SLC9A7: variants seen among roughly 807,000 people sequenced by gnomAD.
SLC9A7 encodes the protein sodium/hydrogen exchanger 7.
SLC9A7 carries 19 observed loss-of-function variants against 52.6 expected under a neutral mutation model. The ratio of observed to expected loss-of-function variants is 0.36; its 90% confidence interval spans 0.25 to 0.53. The LOEUF (loss-of-function observed/expected upper bound fraction) is 0.53. Among genes scored for constraint, SLC9A7 ranks in the 20% least tolerant of loss-of-function variants. SLC9A7 has a pLI of 0.91. For synonymous variants in SLC9A7, 226 were observed against 252.1 expected (o/e 0.90, Z 0.98); for missense variants, 455 against 597.9 (o/e 0.76, Z 2.49).
rs1235705295 is a variant in SLC9A7 at position 46,659,371 on chromosome X, A to G, written c.1041+2645T>C. Among the ~76,000 whole-genome samples, 2 of 86,099 alleles carry G rather than the reference A, an allele frequency of 2.3e-5. 1 individual carries two copies. Among genetic ancestry groups the G allele is most frequent in the Non-Finnish European group, 4.5e-5 (2 of 44,309 alleles). The allele number at this position is 86,099 out of a possible 115,157, so 74.8% of individuals were successfully genotyped here. A position where few individuals can be genotyped will look rare whatever the true frequency, so the allele number is the denominator to read the frequency against. On this transcript the variant is annotated intron_variant, in intron 7 of 16. Transcript: ENST00000616978. ...CAACATAGTGTTGGAAGTTCTGGCC[A>G]GGGCAATTAGGCAGGAGAAGGAAAT...
chrX:46,741,790 C>T (rs1263880135), intron 1 of SLC9A7, among the ~76,000 whole-genome samples: 2 of 109,765 alleles, frequency 1.8e-5, no homozygotes, highest in Non-Finnish European at 3.8e-5. Flanking sequence ...ATAAATTGGA[C>T]TGCATCGAAA....
intron 1 of SLC9A7, among the ~76,000 whole-genome samples, chrX:46,744,929 T>G (rs767072699): frequency 1.8e-5 from 2 of 109,712 alleles, no homozygotes; most frequent in Admixed American, 2.0e-4. Flanking sequence ...GAACAATGAC[T>G]CAAGAACAAG....
At chrX:46,608,060 T>A (rs1347022189) in intron 16 of SLC9A7, among the ~76,000 whole-genome samples, 1 of 112,423 alleles carries the variant, frequency 8.9e-6, no homozygotes, top group East Asian at 2.8e-4. Context: ...CATCCTCTTA[T>A]GAGACAGAGC....
At chrX:46,675,226 A>G (rs1602216287) in intron 3 of SLC9A7, among the ~76,000 whole-genome samples, 1 of 109,942 alleles carries the variant, frequency 9.1e-6, no homozygotes, top group East Asian at 2.8e-4. Context: ...GCTAAATCCA[A>G]TGAGAACTTT....
intron 11 of SLC9A7, 137 bp from the exon 12 acceptor site, chrX:46,643,526 G>T: frequency 1.8e-6 from 1 of 564,147 alleles, no homozygotes; most frequent in Non-Finnish European, 2.8e-6. Context: ...TCAGAAAGAA[G>T]AACCTTAAAG....
intron 1 of SLC9A7, among the ~76,000 whole-genome samples, chrX:46,726,368 TAAG>T (rs1460274667): frequency 1.8e-5 from 2 of 112,330 alleles, no homozygotes; most frequent in African/African-American, 6.5e-5. Flanking sequence ...TTTAAACAGC[TAAG>T]AAGAGCCCTT....
At chrX:46,729,531 T>G (rs1206935514) in intron 1 of SLC9A7, among the ~76,000 whole-genome samples, 2 of 111,573 alleles carry the variant, frequency 1.8e-5, no homozygotes, top group African/African-American at 6.5e-5. Context: ...CGCAGCACTT[T>G]GGGAGGCCGA....
At chrX:46,710,026 C>T (rs1004055352) in intron 1 of SLC9A7, among the ~76,000 whole-genome samples, 7 of 112,275 alleles carry the variant, frequency 6.2e-5, no homozygotes, top group Admixed American at 3.8e-4. Flanking sequence ...AAAGGGAGGC[C>T]GGTTTTTCAG....
chrX:46,752,467 C>G (rs781958818), intron 1 of SLC9A7, among the ~76,000 whole-genome samples: 4 of 111,250 alleles, frequency 3.6e-5, no homozygotes, highest in African/African-American at 1.3e-4. Context: ...CTTTTTGTTT[C>G]CTTTGACGTT....
intron 1 of SLC9A7, among the ~76,000 whole-genome samples, chrX:46,732,322 CG>C (rs1569524652): frequency 4.5e-5 from 5 of 110,876 alleles, no homozygotes. Context: ...TAGGCTGAGG[CG>C]GGAGGATCAC....
At chrX:46,697,906 G>A (rs1162849132) in intron 1 of SLC9A7, among the ~76,000 whole-genome samples, 2 of 111,512 alleles carry the variant, frequency 1.8e-5, no homozygotes, top group Non-Finnish European at 3.8e-5. Context: ...GCACCTGGGG[G>A]TGGGTCCCTG....
At chrX:46,730,670 T>TTATATATATATATA (rs57157177) in intron 1 of SLC9A7, among the ~76,000 whole-genome samples, 841 of 42,629 alleles carry the variant, frequency 0.02, 54 homozygotes, top group Non-Finnish European at 0.027. Flanking sequence ...AAAAAAAAAA[T>TTATATATATATATA]TATATATATA....
intron 2 of SLC9A7, among the ~76,000 whole-genome samples, chrX:46,680,280 C>T (rs913691859): frequency 9.4e-6 from 1 of 106,143 alleles, no homozygotes; most frequent in Non-Finnish European, 1.9e-5. Context: ...ACCCAGGAGG[C>T]GGAGGTTGCA....
intron 1 of SLC9A7, among the ~76,000 whole-genome samples, chrX:46,684,515 TAAAAAACATATTTA>T (rs1272856574): frequency 8.1e-5 from 9 of 111,713 alleles, no homozygotes; most frequent in African/African-American, 9.8e-5. Flanking sequence ...CCAGACCTTT[TAAAAAACATATTTA>T]AAAAAACATA....
Position 46,758,730 on chromosome X carries a change from G to C in SLC9A7, c.300C>G (p.His100Gln). 2 of 1,194,625 alleles carry C rather than the reference G, an allele frequency of 1.7e-6. No homozygotes were observed. The highest frequency in any genetic ancestry group is 2.3e-6 in the Non-Finnish European group (2 of 886,460). Residue 100 changes from histidine (H) to glutamine (Q), a missense_variant, in exon 1 of 17, where the codon CAC becomes CAG. By Grantham distance (24) the His-to-Gln change is conservative (BLOSUM62 0). Around this residue, in one of 3 missense-constraint regions of SLC9A7, gnomAD observed 304 missense variants for 417.8 expected, o/e 0.73. Transcript: ENST00000616978. ...CATAGATCATGGCCAGCCCGGTCTC[G>C]TGCAGAAAGCGCACCCGGCGGTGCT... ...LFKHRRVRFL[H>Q]ETGLAMIYGL...
chrX:46,671,544 C>T (rs1260369686), intron 4 of SLC9A7, among the ~76,000 whole-genome samples: 4 of 111,515 alleles, frequency 3.6e-5, no homozygotes, highest in Admixed American at 9.5e-5. Flanking sequence ...GCTGGGATTA[C>T]AGGCGTGAGC....
intron 1 of SLC9A7, among the ~76,000 whole-genome samples, chrX:46,687,561 T>C (rs1384712095): frequency 8.9e-6 from 1 of 111,916 alleles, no homozygotes; most frequent in Non-Finnish European, 1.9e-5. Context: ...AGAGTGAATA[T>C]TACAGCCCTT....
chrX:46,599,718 A>ATACTT lies in SLC9A7; in HGVS notation c.*7229_*7233dup, dbSNP rs1488285545. ...GCCAAGTCTTTAATTTTTCACAGTT[A>ATACTT]TACTTTAATGTCATTTTATATAACG... On this transcript the variant is annotated 3_prime_UTR_variant, in exon 17 of 17. Coordinates refer to ENST00000616978, the MANE Select transcript of SLC9A7 (RefSeq NM_001257291.2). The ATACTT allele has an allele frequency of 9.0e-6, 1 of 111,689 alleles. No homozygotes were observed. The highest frequency in any genetic ancestry group is 1.9e-5 in the Non-Finnish European group (1 of 53,179). The allele number at this position is 111,689 out of a possible 1,213,427, so 9.2% of individuals were successfully genotyped here. A position where few individuals can be genotyped will look rare whatever the true frequency, so the allele number is the denominator to read the frequency against.
At chrX:46,720,089 A>G (rs1944835251) in intron 1 of SLC9A7, among the ~76,000 whole-genome samples, 1 of 111,900 alleles carries the variant, frequency 8.9e-6, no homozygotes, top group Non-Finnish European at 1.9e-5. Flanking sequence ...AGCTGGTAAC[A>G]TAAAAGATCT....
Sources: gnomAD v4.1 joint callset for allele counts (sites outside exome capture counted in the v4.1 genomes callset) on GRCh38, gnomAD v4.1.1 for gene constraint, gnomAD v4.1.1 regional missense constraint, MANE v1.5 for transcripts, NCBI Gene and HGNC (gene_info 2026-07-23, HGNC 2026-07-21) for gene names.